The following MMP26 variants were observed in gnomAD, a reference collection of about 807,000 sequenced individuals.
MMP26 encodes matrix metallopeptidase 26.
MMP26 carries 33 observed loss-of-function variants against 31.0 expected under a neutral mutation model. The observed-to-expected ratio is 1.06, with a 90% CI of 0.81 to 1.42. The LOEUF (loss-of-function observed/expected upper bound fraction) is 1.42. Ranked by LOEUF, MMP26 falls within the 40% of genes most tolerant of loss-of-function variation. MMP26 has a pLI of 0.00. For missense variants in MMP26, 347 were observed against 316.1 expected (o/e 1.10, Z -0.74); for synonymous variants, 122 against 114.9 (o/e 1.06, Z -0.40).
chr11:4,763,763 A>G (rs1848595796), intron 1 of MMP26, among the ~76,000 whole-genome samples: 1 of 152,220 alleles, frequency 6.6e-6, no homozygotes, highest in Non-Finnish European at 1.5e-5. Context: ...AACACAGACA[A>G]GCTGCTGTAG....
intron 2 of MMP26, among the ~76,000 whole-genome samples, chr11:4,863,041 C>A (rs1480585405): frequency 3.9e-5 from 6 of 152,150 alleles, no homozygotes; most frequent in African/African-American, 1.2e-4. Context: ...GTGGAAATGA[C>A]CAGCTGGTTC....
chr11:4,981,616 G>GA (rs570609427), intron 2 of MMP26, among the ~76,000 whole-genome samples: 93 of 152,030 alleles, frequency 6.1e-4, no homozygotes, highest in African/African-American at 2.2e-3. Context: ...GTACACTTAG[G>GA]CTACCCTAAA....
intron 2 of MMP26, among the ~76,000 whole-genome samples, chr11:4,784,420 G>A (rs68127593): frequency 0.095 from 14,447 of 152,268 alleles, 859 homozygotes; most frequent in Middle Eastern, 0.15. Context: ...ATATAACCTT[G>A]TTTGGAAAAG....
In MMP26 at chr11:4,706,206, A is replaced by T. The variant is rs542059796; in HGVS notation, c.-217+1161A>T. 1.8e-4 allele frequency among the ~76,000 whole-genome samples: 28 copies of T among 152,168 alleles called. No individual in the cohort carries two copies. The South Asian group carries it at 5.8e-3, about 32-fold the overall frequency. The stretch of plus-strand genomic sequence containing the variant: ...TTATTAGAGAGAAATATAGCCAAGT[A>T]CTTAATCTGTTGGGTTTTTCTTTTA... On this transcript the variant is annotated intron_variant, in intron 1 of 7. Transcript: ENST00000380390.
chr11:4,974,685 T>C (rs887124114), intron 2 of MMP26, among the ~76,000 whole-genome samples: 2 of 152,136 alleles, frequency 1.3e-5, no homozygotes, highest in African/African-American at 4.8e-5. Flanking sequence ...TGCCTTTGCA[T>C]CATCTTCTTA....
chr11:4,899,823 G>A (rs1850774401), intron 2 of MMP26, among the ~76,000 whole-genome samples: 1 of 152,050 alleles, frequency 6.6e-6, no homozygotes. Flanking sequence ...TTAATTAAAA[G>A]ATCCTCACAA....
At chr11:4,901,635 G>C (rs567312599) in intron 2 of MMP26, among the ~76,000 whole-genome samples, 1 of 152,158 alleles carries the variant, frequency 6.6e-6, no homozygotes, top group Non-Finnish European at 1.5e-5. Context: ...GATAAAAAAT[G>C]CTTTAGTTTG....
intron 2 of MMP26, among the ~76,000 whole-genome samples, chr11:4,899,553 G>C (rs184775616): frequency 6.6e-6 from 1 of 152,092 alleles, no homozygotes; most frequent in Non-Finnish European, 1.5e-5. Flanking sequence ...TCAGGCTAAG[G>C]CTATTTCACT....
At chr11:4,908,544 C>A in intron 2 of MMP26, 1 of 536,072 alleles carries the variant, frequency 1.9e-6, no homozygotes, top group Non-Finnish European at 3.3e-6. Flanking sequence ...AAGGAAAATA[C>A]TTCTGTGATG....
In MMP26 at chr11:4,991,467, A is replaced by C; in HGVS notation, c.566A>C (p.Lys189Thr). 6.2e-7 allele frequency: 1 copy of C among 1,613,998 alleles called. No individual in the cohort carries two copies. The highest frequency in any genetic ancestry group is 8.5e-7 in the Non-Finnish European group (1 of 1,179,874). The change falls in exon 6 of 8, where the codon AAG (lysine) becomes ACG (threonine). Residue 189 changes from lysine (K) to threonine (T), a missense_variant. Lys to Thr is a moderately conservative substitution (Grantham distance 78). Transcript: ENST00000380390. The part of the protein sequence containing the change: ...SGNPGVVHFD[K>T]NEHWSASDTG... ...AATCCTGGAGTTGTCCATTTTGACAAGAATGAACACTGGTCAGCTTCAGAC... is the reference window on the plus strand; with the variant it reads ...AATCCTGGAGTTGTCCATTTTGACACGAATGAACACTGGTCAGCTTCAGAC...
At chr11:4,715,205 A>C (rs1424894726) in intron 1 of MMP26, among the ~76,000 whole-genome samples, 2 of 152,156 alleles carry the variant, frequency 1.3e-5, no homozygotes, top group African/African-American at 4.8e-5. Flanking sequence ...AAAAACAATG[A>C]ACTACCTTCC....
At chr11:4,914,608 A>C in intron 2 of MMP26, 1 of 740,630 alleles carries the variant, frequency 1.4e-6, no homozygotes, top group Non-Finnish European at 2.2e-6. Context: ...ATCCCTGTAC[A>C]TGTTTGTTGA....
At chr11:4,743,535 T>A (rs558755042) in intron 1 of MMP26, among the ~76,000 whole-genome samples, 63 of 152,332 alleles carry the variant, frequency 4.1e-4, no homozygotes, top group Non-Finnish European at 7.6e-4. Context: ...CAGCCTGGCA[T>A]GAATGTCCTA....
At chr11:4,907,526 C>A in intron 2 of MMP26, 2 of 1,614,006 alleles carry the variant, frequency 1.2e-6, no homozygotes. Flanking sequence ...AAAGACAGAG[C>A]CCTCGCTTCA....
intron 1 of MMP26, among the ~76,000 whole-genome samples, chr11:4,742,228 A>G (rs1466578692): frequency 1.3e-5 from 2 of 152,234 alleles, no homozygotes; most frequent in Non-Finnish European, 2.9e-5. Flanking sequence ...TGTTAATCAC[A>G]ACAAAGTCCC....
At chr11:4,785,605 A>G (rs12801339) in intron 2 of MMP26, among the ~76,000 whole-genome samples, 13,635 of 152,184 alleles carry the variant, frequency 0.09, 822 homozygotes, top group Middle Eastern at 0.15. Flanking sequence ...ACATTATTTC[A>G]TTATTTTCAT....
chr11:4,931,163 A>G (rs1851341272), intron 2 of MMP26, among the ~76,000 whole-genome samples: 1 of 152,070 alleles, frequency 6.6e-6, no homozygotes, highest in Non-Finnish European at 1.5e-5. Flanking sequence ...CCATCAACTA[A>G]TATGATATTC....
At chr11:4,882,379 C>G in intron 2 of MMP26, 1 of 1,613,864 alleles carries the variant, frequency 6.2e-7, no homozygotes, top group South Asian at 1.1e-5. Context: ...TCTTACTTCC[C>G]CTTCTTGTAG....
chr11:4,868,512 G>A (rs1029700088), intron 2 of MMP26, among the ~76,000 whole-genome samples: 1 of 152,018 alleles, frequency 6.6e-6, no homozygotes, highest in Non-Finnish European at 1.5e-5. Context: ...AACTTACAAG[G>A]GATGTGAAAG....
Sources: gnomAD v4.1 joint callset for allele counts (sites outside exome capture counted in the v4.1 genomes callset) on GRCh38, gnomAD v4.1.1 for gene constraint, MANE v1.5 for transcripts, NCBI Gene and HGNC (gene_info 2026-07-23, HGNC 2026-07-21) for gene names.